The following UGT1A10 variants were observed in gnomAD, a reference collection of about 807,000 sequenced individuals.
UGT1A10 encodes UDP-glucuronosyltransferase 1A10.
In UGT1A10, 49 loss-of-function variants were observed where a neutral mutation model predicts 45.8. The observed-to-expected ratio is 1.07, with a 90% CI of 0.85 to 1.36. The LOEUF is 1.36. Among genes scored for constraint, UGT1A10 ranks in the 40% most tolerant of loss-of-function variants. UGT1A10 has a pLI of 0.00. For synonymous variants in UGT1A10, 284 were observed against 249.7 expected (o/e 1.14, Z -1.29); for missense variants, 745 against 668.6 (o/e 1.11, Z -1.26).
chr2:233,679,011 G>A (rs938044553), intron 1 of UGT1A10, among the ~76,000 whole-genome samples: 1 of 152,226 alleles, frequency 6.6e-6, no homozygotes, highest in South Asian at 2.1e-4. Flanking sequence ...GGCATCTTCA[G>A]TGGTGTAATC....
rs552893751 is a variant in UGT1A10 at position 233,650,058 on chromosome 2, C to A, written c.855+12681C>A. Among the ~76,000 whole-genome samples the A allele has an allele frequency of 3.9e-5, 6 of 152,262 alleles. No homozygotes were observed. In the East Asian group the frequency reaches 9.7e-4, roughly 25 times the overall value. ...CGATCTTGGCTCACCACAACCTCTG[C>A]CTCCTGGGTTCAAGCGATTCACCTG... On this transcript the variant is annotated intron_variant, in intron 1 of 4. Coordinates refer to ENST00000344644, the MANE Select transcript of UGT1A10 (RefSeq NM_019075.4).
intron 1 of UGT1A10, among the ~76,000 whole-genome samples, chr2:233,678,488 A>T (rs2074418530): frequency 6.6e-6 from 1 of 152,144 alleles, no homozygotes; most frequent in African/African-American, 2.4e-5. Flanking sequence ...CACTTGGTGT[A>T]ACCTTATGGA....
intron 1 of UGT1A10, chr2:233,743,967 C>A (rs1487193750): frequency 1.5e-6 from 2 of 1,326,686 alleles, no homozygotes; most frequent in African/African-American, 1.5e-5. Flanking sequence ...AGCGGCAAGG[C>A]TGCCAGCACC....
rs1196428735 is a variant in UGT1A10 at position 233,732,781 on chromosome 2, T to C, written c.856-34253T>C. Reference sequence around the variant, plus strand: ...TTTTTTTTTTTTTTTTGCTTAGGATTGTCTTGGCAATGCAGGCTCTTTTTT... The same window carrying C: ...TTTTTTTTTTTTTTTTGCTTAGGATCGTCTTGGCAATGCAGGCTCTTTTTT... On this transcript the variant is annotated intron_variant, in intron 1 of 4. Transcript: ENST00000344644. Among the ~76,000 whole-genome samples the C allele has an allele frequency of 2.6e-5, 4 of 151,222 alleles. No individual in the cohort carries two copies. In the East Asian group the frequency reaches 7.7e-4, roughly 29 times the overall value.
intron 1 of UGT1A10, among the ~76,000 whole-genome samples, chr2:233,662,004 G>A (rs1559329601): frequency 6.6e-6 from 1 of 151,996 alleles, no homozygotes; most frequent in Non-Finnish European, 1.5e-5. Context: ...CGTACTGAGT[G>A]GATACTTGCA....
At chr2:233,739,447 A>G (rs1387114794) in intron 1 of UGT1A10, among the ~76,000 whole-genome samples, 2 of 152,208 alleles carry the variant, frequency 1.3e-5, no homozygotes, top group East Asian at 3.8e-4. Flanking sequence ...CTGCAAAGCC[A>G]CAGGGTTGGA....
intron 1 of UGT1A10, among the ~76,000 whole-genome samples, chr2:233,657,752 TATG>T (rs1380233677): frequency 6.6e-6 from 1 of 152,216 alleles, no homozygotes; most frequent in African/African-American, 2.4e-5. Context: ...CCTATTTAAA[TATG>T]ATGTTGAGCA....
chr2:233,739,091 C>T (rs1027086038), intron 1 of UGT1A10: 13 of 152,212 alleles, frequency 8.5e-5, no homozygotes, highest in Admixed American at 1.3e-4. Flanking sequence ...TTGGCAGCAT[C>T]GATGTGGTGT....
rs1282215739 is a variant in UGT1A10 at position 233,675,414 on chromosome 2, G to A, written c.855+38037G>A. On this transcript the variant is annotated intron_variant, in intron 1 of 4. Coordinates refer to ENST00000344644, the MANE Select transcript of UGT1A10 (RefSeq NM_019075.4). ...TTTGAATTTTTGATGAGTTCCAACA[G>A]AATTAATGACTGGTTTTAGGTGAAA... is the stretch of plus-strand genomic sequence containing the variant. Among the ~76,000 whole-genome samples, 6 of 152,160 alleles carry A rather than the reference G, an allele frequency of 3.9e-5. No individual in the cohort carries two copies. In the East Asian group the frequency reaches 1.2e-3, roughly 29 times the overall value.
intron 1 of UGT1A10, among the ~76,000 whole-genome samples, chr2:233,642,836 G>A: frequency 6.6e-6 from 1 of 152,088 alleles, no homozygotes; most frequent in East Asian, 1.9e-4. Context: ...ACATACTCTT[G>A]CTTTCTTCCC....
intron 1 of UGT1A10, among the ~76,000 whole-genome samples, chr2:233,748,545 C>G (rs949815258): frequency 1.3e-5 from 2 of 151,744 alleles, no homozygotes; most frequent in African/African-American, 4.9e-5. Context: ...CACAGGAGAC[C>G]TAAGCACTCG....
chr2:233,673,099 A>G (rs1184826420), intron 1 of UGT1A10, among the ~76,000 whole-genome samples: 2 of 152,192 alleles, frequency 1.3e-5, no homozygotes, highest in Non-Finnish European at 2.9e-5. Context: ...TTAATTCTAT[A>G]TGCCCGCCCC....
chr2:233,690,516 T>C, intron 1 of UGT1A10: 1 of 1,289,796 alleles, frequency 7.8e-7, no homozygotes, highest in Non-Finnish European at 1.0e-6. Flanking sequence ...TTGTTTTATC[T>C]TAGGATCTAC....
intron 1 of UGT1A10, among the ~76,000 whole-genome samples, chr2:233,765,679 C>T (rs750579921): frequency 2.7e-5 from 4 of 150,004 alleles, no homozygotes; most frequent in Non-Finnish European, 4.4e-5. Flanking sequence ...CATATGTATC[C>T]CAGAACTTCA....
chr2:233,672,090 G>T (rs139255934), intron 1 of UGT1A10: 133 of 1,614,150 alleles, frequency 8.2e-5, no homozygotes, highest in Middle Eastern at 3.3e-4. Context: ...TTCTCAGGGG[G>T]CATGAGGTGG....
rs1316951869 is a variant in UGT1A10 at position 233,743,957 on chromosome 2, A to G, written c.856-23077A>G. ...CGGCCCACCAGGCACTGGCACAGCG[A>G]GCGGCAAGGCTGCCAGCACCCAGGC... is the stretch of plus-strand genomic sequence containing the variant. On this transcript the variant is annotated intron_variant, in intron 1 of 4. Coordinates refer to ENST00000344644, the MANE Select transcript of UGT1A10 (RefSeq NM_019075.4). 4 of 1,338,466 alleles carry G rather than the reference A, an allele frequency of 3.0e-6. No individual in the cohort carries two copies. The Admixed American group carries it at 8.0e-5, about 27-fold the overall frequency. The allele number at this position is 1,338,466 out of a possible 1,614,324, so 82.9% of individuals were successfully genotyped here.
chr2:233,719,328 G>T (rs776987422), intron 1 of UGT1A10: 1 of 1,613,970 alleles, frequency 6.2e-7, no homozygotes, highest in South Asian at 1.1e-5. Context: ...GATTCCTGCT[G>T]TGTTTTTTTG....
rs571818278 is a variant in UGT1A10, at chr2:233,740,159, T to C, written c.856-26875T>C. Among the ~76,000 whole-genome samples, 52 of 151,986 alleles carry C rather than the reference T, an allele frequency of 3.4e-4. 1 individual carries two copies. Among genetic ancestry groups the C allele is most frequent in the African/African-American group, 1.2e-3 (48 of 41,236 alleles). On this transcript the variant is annotated intron_variant, in intron 1 of 4. Coordinates refer to ENST00000344644, the MANE Select transcript of UGT1A10 (RefSeq NM_019075.4). ...TGTAAGTTTCCTGAGGCCTCCCCAG[T>C]CATGTGGAACTGTGAGTCAATTAAA...
intron 1 of UGT1A10, among the ~76,000 whole-genome samples, chr2:233,650,028 T>C (rs1404496370): frequency 6.6e-6 from 1 of 152,164 alleles, no homozygotes; most frequent in Admixed American, 6.5e-5. Flanking sequence ...TGGGGTGCAA[T>C]GGTGCGATCT....
Sources: gnomAD v4.1 joint callset for allele counts (sites outside exome capture counted in the v4.1 genomes callset) on GRCh38, gnomAD v4.1.1 for gene constraint, MANE v1.5 for transcripts, NCBI Gene and HGNC (gene_info 2026-07-23, HGNC 2026-07-21) for gene names.